The following KIAA0825 variants were observed in gnomAD, a reference collection of about 807,000 sequenced individuals.
KIAA0825 encodes KIAA0825.
KIAA0825 carries 119 observed loss-of-function variants against 147.6 expected under a neutral mutation model. The observed-to-expected ratio is 0.81, with a 90% CI of 0.69 to 0.94. The LOEUF (loss-of-function observed/expected upper bound fraction) is 0.94. Among genes scored for constraint, KIAA0825 ranks in the 40% least tolerant of loss-of-function variants. The pLI, the probability that KIAA0825 is intolerant of heterozygous loss-of-function variation, is 0.00. For missense variants in KIAA0825, 1,381 were observed against 1,472.7 expected, an observed-to-expected ratio of 0.94 and a Z score of 1.02; for synonymous variants, 470 against 518.1, an observed-to-expected ratio of 0.91 and a Z score of 1.26.
intron 4 of KIAA0825, among the ~76,000 whole-genome samples, chr5:94,521,907 A>T (rs1768285964): frequency 6.6e-6 from 1 of 151,764 alleles, no homozygotes; most frequent in African/African-American, 2.4e-5. Flanking sequence ...ATTGATGAAG[A>T]TACCAAAGGC....
Position 94,471,568 on chromosome 5 carries a change from G to A in KIAA0825, c.1619C>T (p.Ser540Phe). ...GTGCAAGTTTTTCAGGGGTGCTTTG[G>A]AAGGAACCTCCTTGGCTCTCTCTTG... ...RLQERAKEVPSKAPLKNLHTY... is the reference protein window; with the variant it reads ...RLQERAKEVPFKAPLKNLHTY... The change falls in exon 9 of 21, where the codon TCC becomes TTC. Residue 540 changes from serine to phenylalanine, a missense_variant. By Grantham distance (155) the Ser-to-Phe change is radical. Transcript: ENST00000682413. 1 of 1,551,882 alleles carries A rather than the reference G, an allele frequency of 6.4e-7. No homozygotes were observed. The highest frequency in any genetic ancestry group is 1.4e-5 in the African/African-American group (1 of 73,146).
intron 20 of KIAA0825, among the ~76,000 whole-genome samples, chr5:94,318,445 A>C (rs1779861150): frequency 1.3e-5 from 2 of 151,968 alleles, no homozygotes; most frequent in Non-Finnish European, 2.9e-5. Context: ...GAAGTAGGAT[A>C]AGGCTACTTT....
chr5:94,345,759 A>G (rs530187413), intron 20 of KIAA0825, among the ~76,000 whole-genome samples: 10 of 152,226 alleles, frequency 6.6e-5, no homozygotes, highest in African/African-American at 2.4e-4. Flanking sequence ...TCAGACACCA[A>G]GTTAAAGAAG....
intron 1 of KIAA0825, among the ~76,000 whole-genome samples, chr5:94,597,890 T>C (rs74840379): frequency 0.051 from 7,728 of 152,174 alleles, 279 homozygotes; most frequent in Non-Finnish European, 0.08. Flanking sequence ...GGTAAAAATA[T>C]AGTATAAAAG....
At chr5:94,476,849 A>G (rs930740697) in intron 7 of KIAA0825, among the ~76,000 whole-genome samples, 1 of 152,140 alleles carries the variant, frequency 6.6e-6, no homozygotes, top group Non-Finnish European at 1.5e-5. Context: ...CTCTAAGTGC[A>G]GGCCCTGAGT....
chr5:94,610,447 G>GAAAAAGAAAAGA, intron 1 of KIAA0825, among the ~76,000 whole-genome samples: 1 of 135,762 alleles, frequency 7.4e-6, no homozygotes, highest in South Asian at 2.4e-4. Context: ...AAAAGAAAAA[G>GAAAAAGAAAAGA]AAAAAGAAAA....
chr5:94,407,867 A>G (rs1752271571), intron 15 of KIAA0825, among the ~76,000 whole-genome samples: 1 of 152,244 alleles, frequency 6.6e-6, no homozygotes, highest in Admixed American at 6.5e-5. Flanking sequence ...TTTGTTATAA[A>G]AATGCAATTG....
rs898378125 is a variant in KIAA0825, at chr5:94,153,082, A to G, written c.*925T>C. On this transcript the variant is annotated 3_prime_UTR_variant, in exon 21 of 21. Coordinates refer to ENST00000682413, the MANE Select transcript of KIAA0825 (RefSeq NM_001145678.3). ...TTCATATTATATCATAATATCTTCA[A>G]TGTCTTTATAATCTAATATCAGGCA... The G allele has an allele frequency of 6.6e-5, 10 of 150,534 alleles. No homozygotes were observed. Among genetic ancestry groups the G allele is most frequent in the Non-Finnish European group, 1.2e-4 (8 of 67,702 alleles). The allele number at this position is 150,534 out of a possible 1,614,324, so 9.3% of individuals were successfully genotyped here.
intron 20 of KIAA0825, among the ~76,000 whole-genome samples, chr5:94,299,451 G>T (rs1421052180): frequency 4.6e-5 from 7 of 151,776 alleles, no homozygotes; most frequent in African/African-American, 1.5e-4. Context: ...GAACTCCTGG[G>T]CTCAAGTGAC....
At chr5:94,355,035 G>A (rs1784097340) in intron 20 of KIAA0825, among the ~76,000 whole-genome samples, 1 of 152,206 alleles carries the variant, frequency 6.6e-6, no homozygotes, top group Non-Finnish European at 1.5e-5. Flanking sequence ...GGGCATGGAG[G>A]CAGGCTTCCA....
chr5:94,252,607 A>G (rs1279659686), intron 20 of KIAA0825, among the ~76,000 whole-genome samples: 17 of 152,018 alleles, frequency 1.1e-4, no homozygotes, highest in Admixed American at 1.1e-3. Context: ...AAAAGCCACA[A>G]TGAGCATTTT....
chr5:94,336,596 CT>C (rs1781823864), intron 20 of KIAA0825, among the ~76,000 whole-genome samples: 1 of 152,062 alleles, frequency 6.6e-6, no homozygotes, highest in South Asian at 2.1e-4. Context: ...AGAACTCATC[CT>C]TTTTTATGGC....
chr5:94,436,433 G>T (rs1436558111), intron 14 of KIAA0825, among the ~76,000 whole-genome samples: 1 of 151,994 alleles, frequency 6.6e-6, no homozygotes, highest in African/African-American at 2.4e-5. Flanking sequence ...ACAGTTGTAG[G>T]TGTGCGATCT....
At chr5:94,462,905 C>G (rs1307399891) in intron 11 of KIAA0825, among the ~76,000 whole-genome samples, 1 of 151,694 alleles carries the variant, frequency 6.6e-6, no homozygotes, top group African/African-American at 2.4e-5. Context: ...AAAACAGAAA[C>G]TAGATGAGAA....
At chr5:94,413,940 G>T (rs1753092283) in intron 15 of KIAA0825, 1 of 152,148 alleles carries the variant, frequency 6.6e-6, no homozygotes, top group African/African-American at 2.4e-5. Flanking sequence ...TATGGCGCAG[G>T]TATTTATGTA....
intron 20 of KIAA0825, among the ~76,000 whole-genome samples, chr5:94,269,359 G>A (rs1776875545): frequency 6.6e-6 from 1 of 151,982 alleles, no homozygotes; most frequent in Non-Finnish European, 1.5e-5. Flanking sequence ...ATGGAAAGAA[G>A]GAAGAGAAGA....
intron 18 of KIAA0825, among the ~76,000 whole-genome samples, 158 bp from the exon 19 acceptor site, chr5:94,386,562 A>C (rs1232228729): frequency 3.1e-4 from 47 of 151,552 alleles, no homozygotes; most frequent in Admixed American, 3.0e-3. Flanking sequence ...GATACATAGT[A>C]GAGTACCAAT....
chr5:94,263,516 T>TCAA (rs1451048533), intron 20 of KIAA0825, among the ~76,000 whole-genome samples: 1 of 152,176 alleles, frequency 6.6e-6, no homozygotes, highest in Non-Finnish European at 1.5e-5. Context: ...TCCCATTTCT[T>TCAA]CAACAATCAC....
intron 15 of KIAA0825, among the ~76,000 whole-genome samples, chr5:94,410,198 GAAAA>G (rs70978107): frequency 7.3e-6 from 1 of 137,128 alleles, no homozygotes; most frequent in Non-Finnish European, 1.6e-5. Flanking sequence ...AGACACTGCA[GAAAA>G]AAAAAAAAAA....
Sources: gnomAD v4.1 joint callset for allele counts (sites outside exome capture counted in the v4.1 genomes callset) on GRCh38, gnomAD v4.1.1 for gene constraint, MANE v1.5 for transcripts, NCBI Gene and HGNC (gene_info 2026-07-23, HGNC 2026-07-21) for gene names.